Variants in MCEE observed in about 807,000 individuals in gnomAD.
The protein encoded by MCEE is methylmalonyl-CoA epimerase.
In MCEE, 6 loss-of-function variants were observed where a neutral mutation model predicts 12.9. The observed-to-expected ratio is 0.47, with a 90% CI of 0.26 to 0.92. The LOEUF is 0.92. Ranked by LOEUF, MCEE falls within the 40% of genes least tolerant of loss-of-function variation. MCEE has a pLI of 0.16. For synonymous variants in MCEE, 78 were observed against 77.9 expected (o/e 1.00, Z -0.01); for missense variants, 214 against 212.1 (o/e 1.01, Z -0.05).
chr2:71,129,917 GC>G, intron 1 of MCEE: 1 of 576,602 alleles, frequency 1.7e-6, no homozygotes, highest in Non-Finnish European at 3.1e-6. Flanking sequence ...CGACTCTCCC[GC>G]CCACATACTG....
At chr2:71,128,191 G>A (rs1020406275) in intron 1 of MCEE, among the ~76,000 whole-genome samples, 1 of 152,180 alleles carries the variant, frequency 6.6e-6, no homozygotes, top group Non-Finnish European at 1.5e-5. Flanking sequence ...AGTCATGTAA[G>A]TTGGTCATTC....
chr2:71,111,226 A>G (rs1487647554), intron 2 of MCEE, among the ~76,000 whole-genome samples: 7 of 152,112 alleles, frequency 4.6e-5, no homozygotes, highest in Non-Finnish European at 7.4e-5. Context: ...AACACAGCTC[A>G]TTTCATGACA....
At chr2:71,130,107 G>A in intron 1 of MCEE, 73 bp downstream of exon 1, 1 of 1,469,238 alleles carries the variant, frequency 6.8e-7, no homozygotes, top group Non-Finnish European at 9.4e-7. Flanking sequence ...CCACGCCGAG[G>A]CCTCCTCCGC....
At chr2:71,125,956 C>T (rs1673222890) in intron 1 of MCEE, among the ~76,000 whole-genome samples, 1 of 152,078 alleles carries the variant, frequency 6.6e-6, no homozygotes, top group African/African-American at 2.4e-5. Context: ...AAAAGAATAC[C>T]TTCCACCTCA....
At position 71,124,418 on chromosome 2, in the gene MCEE, G is replaced by A. The variant is rs187576440; in HGVS notation, c.166C>T (p.Pro56Ser). The A allele has an allele frequency of 1.2e-4, 201 of 1,614,116 alleles. No individual in the cohort carries two copies. The highest frequency in any genetic ancestry group is 1.7e-4 in the Non-Finnish European group (195 of 1,180,022). ...AATGCTGCAGCCTTTTCCAAATCTG[G>A]CACTGCTATGGCTACATGGTTGAGT... is the stretch of plus-strand genomic sequence containing the variant. ...GRLNHVAIAV[P>S]DLEKAAAFYK... is the part of the protein sequence containing the mutation. The change falls in exon 2 of 3, where the codon CCA (proline) becomes TCA (serine). Residue 56 changes from proline to serine, a missense_variant. Pro to Ser is a moderately conservative substitution (Grantham distance 74). Coordinates refer to ENST00000244217, the MANE Select transcript of MCEE (RefSeq NM_032601.4).
At chr2:71,128,772 T>C (rs551181194) in intron 1 of MCEE, among the ~76,000 whole-genome samples, 28 of 152,220 alleles carry the variant, frequency 1.8e-4, no homozygotes, top group Middle Eastern at 3.4e-3. Context: ...GCAGATCACC[T>C]GAGGCCAGGA....
In MCEE at chr2:71,110,100, A is replaced by G. The variant is rs1296478475; in HGVS notation, c.401T>C (p.Val134Ala). Residue 134 changes from valine to alanine, a missense_variant, in exon 3 of 3, where the codon GTG becomes GCG. Coordinates refer to ENST00000244217, the MANE Select transcript of MCEE (RefSeq NM_032601.4). ...CIEVDNINAA[V>A]MDLKKKKIRS... The stretch of plus-strand genomic sequence containing the variant: ...GATCTTCTTTTTTTTCAAATCCATC[A>G]CAGCTGCATTAATATTATCCACCTT... 2 of 1,613,098 alleles carry G rather than the reference A, an allele frequency of 1.2e-6. No individual in the cohort carries two copies. Among genetic ancestry groups the G allele is most frequent in the Non-Finnish European group, 1.7e-6 (2 of 1,179,346 alleles).
intron 2 of MCEE, among the ~76,000 whole-genome samples, chr2:71,116,548 C>CTTTT: frequency 7.8e-6 from 1 of 128,986 alleles, no homozygotes; most frequent in South Asian, 2.4e-4. Context: ...GAATTCAAAA[C>CTTTT]TTTTTTTTTT....
chr2:71,122,823 G>A (rs1263942202), intron 2 of MCEE, among the ~76,000 whole-genome samples: 1 of 152,208 alleles, frequency 6.6e-6, no homozygotes, highest in Non-Finnish European at 1.5e-5. Context: ...ATAACTCTAT[G>A]CCTTTCCACA....
chr2:71,129,176 A>G (rs1054940545), intron 1 of MCEE, among the ~76,000 whole-genome samples: 3 of 152,164 alleles, frequency 2.0e-5, no homozygotes, highest in Non-Finnish European at 4.4e-5. Flanking sequence ...CTTTATCTGT[A>G]TTGAGTTCTT....
intron 1 of MCEE, among the ~76,000 whole-genome samples, chr2:71,127,608 C>G (rs1673263928): frequency 6.6e-6 from 1 of 151,948 alleles, no homozygotes; most frequent in East Asian, 1.9e-4. Context: ...TTCACATAAT[C>G]TAATTTTAGA....
chr2:71,115,071 A>G (rs1036458198), intron 2 of MCEE, among the ~76,000 whole-genome samples: 11 of 152,190 alleles, frequency 7.2e-5, no homozygotes, highest in Non-Finnish European at 1.5e-4. Context: ...AATATCCCTC[A>G]ATCATGAATT....
intron 1 of MCEE, among the ~76,000 whole-genome samples, chr2:71,129,444 T>C (rs924585355): frequency 6.7e-6 from 1 of 148,260 alleles, no homozygotes; most frequent in African/African-American, 2.5e-5. Context: ...TTCTTCCTAA[T>C]AGGGAATCTC....
intron 2 of MCEE, among the ~76,000 whole-genome samples, chr2:71,117,992 TGC>T: frequency 2.0e-5 from 3 of 150,132 alleles, no homozygotes; most frequent in Admixed American, 2.0e-4. Flanking sequence ...ACACCACCCC[TGC>T]ACAGAGGCCT....
chr2:71,126,151 G>A (rs1375732416), intron 1 of MCEE, among the ~76,000 whole-genome samples: 1 of 152,154 alleles, frequency 6.6e-6, no homozygotes, highest in African/African-American at 2.4e-5. Flanking sequence ...CACTAGGCCA[G>A]TGAAAATGTT....
intron 2 of MCEE, among the ~76,000 whole-genome samples, chr2:71,110,386 T>G (rs577732768): frequency 1.6e-4 from 25 of 152,338 alleles, no homozygotes; most frequent in African/African-American, 5.1e-4. Flanking sequence ...AAATCATGTA[T>G]GATATACTTT....
At chr2:71,114,382 T>A (rs188668576) in intron 2 of MCEE, among the ~76,000 whole-genome samples, 10 of 151,912 alleles carry the variant, frequency 6.6e-5, no homozygotes, top group Non-Finnish European at 1.3e-4. Flanking sequence ...AAATCCTAGA[T>A]GGGATCCTGG....
intron 2 of MCEE, among the ~76,000 whole-genome samples, chr2:71,113,068 A>T (rs1372638136): frequency 6.6e-6 from 1 of 152,224 alleles, no homozygotes; most frequent in Non-Finnish European, 1.5e-5. Flanking sequence ...CAGCCCTAGA[A>T]GACAAATATA....
intron 2 of MCEE, chr2:71,110,956 C>A (rs1265909363): frequency 6.6e-6 from 1 of 151,964 alleles, no homozygotes; most frequent in Non-Finnish European, 1.5e-5. Flanking sequence ...TTAAAAAAAA[C>A]ACACAAAAGC....
Sources: gnomAD v4.1 joint callset for allele counts (sites outside exome capture counted in the v4.1 genomes callset) on GRCh38, gnomAD v4.1.1 for gene constraint, MANE v1.5 for transcripts, NCBI Gene and HGNC (gene_info 2026-07-23, HGNC 2026-07-21) for gene names.